ATM: variants seen among roughly 807,000 people sequenced by gnomAD.
ATM encodes the protein serine-protein kinase ATM.
Under a neutral mutation model 387.0 loss-of-function variants are expected in ATM, and 308 were observed. The observed-to-expected ratio is 0.80, with a 90% confidence interval of 0.73 to 0.87. The LOEUF is 0.87. Among genes scored for constraint, ATM ranks in the 40% least tolerant of loss-of-function variants. The pLI is 0.00. For synonymous variants in ATM, 1,156 were observed against 1,187.3 expected, an observed-to-expected ratio of 0.97 and a Z score of 0.54; for missense variants, 3,312 against 3,560.9, an observed-to-expected ratio of 0.93 and a Z score of 1.78.
intron 34 of ATM, 86 bp downstream of exon 34, chr11:108,299,971 C>G: frequency 7.6e-7 from 1 of 1,310,040 alleles, no homozygotes; most frequent in Non-Finnish European, 1.1e-6. Context: ...TTCTCAGTAA[C>G]TAAAGCTTTG....
At chr11:108,259,143 C>T in intron 16 of ATM, 68 bp downstream of exon 16, 1 of 1,294,674 alleles carries the variant, frequency 7.7e-7, no homozygotes, top group Admixed American at 1.8e-5. Context: ...GTTGAAATAT[C>T]TTTGTAAATA....
chr11:108,272,434 A>G, intron 20 of ATM, 98 bp from the exon 21 acceptor site: 1 of 1,007,724 alleles, frequency 9.9e-7, no homozygotes, highest in South Asian at 1.3e-5. Flanking sequence ...TAGCACAGAA[A>G]GACATATTGG....
intron 56 of ATM, among the ~76,000 whole-genome samples, chr11:108,338,714 A>C (rs1422834496): frequency 1.3e-5 from 2 of 152,164 alleles, no homozygotes; most frequent in African/African-American, 4.8e-5. Context: ...AATGTTATAC[A>C]TCTCAATATT....
At chr11:108,316,203 A>G in intron 42 of ATM, 90 bp downstream of exon 42, 1 of 1,181,526 alleles carries the variant, frequency 8.5e-7, no homozygotes, top group Admixed American at 1.9e-5. Flanking sequence ...CAGCCAGATA[A>G]ACTCTAGAGA....
intron 22 of ATM, among the ~76,000 whole-genome samples, chr11:108,278,316 A>C (rs2082053664): frequency 6.6e-6 from 1 of 152,192 alleles, no homozygotes; most frequent in Non-Finnish European, 1.5e-5. Context: ...GCCCTTATTA[A>C]ATTTCACAGA....
intron 37 of ATM, 107 bp downstream of exon 37, chr11:108,304,959 C>A: frequency 7.5e-7 from 1 of 1,333,156 alleles, no homozygotes; most frequent in Non-Finnish European, 1.0e-6. Context: ...AATCTATAAC[C>A]TCTAAATTTG....
At chr11:108,297,785 G>A (rs2083206186) in intron 33 of ATM, among the ~76,000 whole-genome samples, 1 of 152,076 alleles carries the variant, frequency 6.6e-6, no homozygotes, top group Non-Finnish European at 1.5e-5. Flanking sequence ...TAAGTTACAT[G>A]CCTATTTAAT....
In ATM at chr11:108,272,568, A is replaced by T. The variant is rs374451781; in HGVS notation, c.3114A>T (p.Val1038=). Residue 1038 remains valine, a synonymous_variant, in exon 21 of 63, where the codon GTA becomes GTT. Transcript: ENST00000675843. The part of the protein sequence containing the change: ...LTKERKYIFS[V]RMALVNCLKT... ...AGGAGAGGAAATATATATTCTCTGT[A>T]AGAATGGCCCTAGTAAATTGCCTTA... 8 of 1,613,612 alleles carry T rather than the reference A, an allele frequency of 5.0e-6. No individual in the cohort carries two copies. Among genetic ancestry groups the T allele is most frequent in the African/African-American group, 1.3e-5 (1 of 74,920 alleles).
chr11:108,333,216 C>T (rs1190164825), intron 53 of ATM, among the ~76,000 whole-genome samples: 1 of 152,064 alleles, frequency 6.6e-6, no homozygotes, highest in African/African-American at 2.4e-5. Context: ...ACATTTCTAG[C>T]CTCAAAAGTT....
At chr11:108,232,866 C>CTT (rs562676052) in intron 4 of ATM, among the ~76,000 whole-genome samples, 2 of 136,880 alleles carry the variant, frequency 1.5e-5, no homozygotes, top group Non-Finnish European at 3.2e-5. Flanking sequence ...CATTTCTTTT[C>CTT]TTTTTTTTTT....
intron 46 of ATM, 22 bp from the exon 47 acceptor site, chr11:108,326,036 C>T: frequency 6.2e-7 from 1 of 1,611,762 alleles, no homozygotes; most frequent in Non-Finnish European, 8.5e-7. Flanking sequence ...GTATTTATTC[C>T]CATATGTCAT....
chr11:108,308,683 G>A, intron 38 of ATM: 1 of 286,262 alleles, frequency 3.5e-6, no homozygotes, highest in Non-Finnish European at 6.8e-6. Flanking sequence ...TGGTAGGGGT[G>A]GTTGGTAAAG....
intron 52 of ATM, among the ~76,000 whole-genome samples, chr11:108,332,417 A>G (rs1427292599): frequency 6.6e-6 from 1 of 152,096 alleles, no homozygotes. Context: ...GGGCAACAAG[A>G]GCGAAACTCT....
At chr11:108,227,197 T>A (rs1390359754) in intron 1 of ATM, 2 of 162,572 alleles carry the variant, frequency 1.2e-5, no homozygotes, top group African/African-American at 2.4e-5. Context: ...GTATTTTTAG[T>A]AGAGACAGGG....
rs755860432 is a variant in ATM at position 108,245,001 on chromosome 11, G to T, written c.876G>T (p.Pro292=). ...AACTGCAAATTTATATCCATCATCCGAAAGGAGCCAAAACCCAAGAAAAAG... is the reference window on the plus strand; with the variant it reads ...AACTGCAAATTTATATCCATCATCCTAAAGGAGCCAAAACCCAAGAAAAAG... ...LFQLQIYIHH[P]KGAKTQEKGA... The change falls in exon 7 of 63, where the codon CCG becomes CCT. Residue 292 remains proline, a synonymous_variant. Coordinates refer to ENST00000675843, the MANE Select transcript of ATM (RefSeq NM_000051.4). 2 of 1,610,884 alleles carry T rather than the reference G, an allele frequency of 1.2e-6. No homozygotes were observed.
intron 15 of ATM, among the ~76,000 whole-genome samples, chr11:108,258,770 A>G (rs1332635151): frequency 6.6e-6 from 1 of 152,210 alleles, no homozygotes; most frequent in African/African-American, 2.4e-5. Context: ...CTTTAGGGTC[A>G]ATAGCTGTTA....
rs876658836 is a variant in ATM, at chr11:108,256,271, C to T, written c.2181C>T (p.Gly727=). The change falls in exon 14 of 63, where the codon GGC becomes GGT. Residue 727 remains glycine (G), a synonymous_variant. Coordinates refer to ENST00000675843, the MANE Select transcript of ATM (RefSeq NM_000051.4). ...RCSRLLVGVL[G]CYCYMGVIAE... ...CACGTCTTTTGGTGGGTGTCCTTGG[C>T]TGCTACTGTTACATGGGTGTAATAG... 1.9e-6 allele frequency: 3 copies of T among 1,610,718 alleles called. No homozygotes were observed. Among genetic ancestry groups the T allele is most frequent in the Non-Finnish European group, 1.7e-6 (2 of 1,177,898 alleles).
Position 108,303,033 on chromosome 11 carries a change from A to G in ATM, c.5496+4A>G, listed in dbSNP as rs1565479590. 6 of 1,608,868 alleles carry G rather than the reference A, an allele frequency of 3.7e-6. No individual in the cohort carries two copies. Among genetic ancestry groups the G allele is most frequent in the Non-Finnish European group, 5.1e-6 (6 of 1,175,496 alleles). ...ATTATTAAAGCCAATGTGTGAAGTA[A>G]GAAGATTAATTAGTCTGATATAATT... On this transcript the variant is annotated splice_donor_region_variant and intron_variant, in intron 36 of 62. Coordinates refer to ENST00000675843, the MANE Select transcript of ATM (RefSeq NM_000051.4).
intron 8 of ATM, among the ~76,000 whole-genome samples, chr11:108,247,543 G>A (rs543092985): frequency 6.6e-6 from 1 of 152,206 alleles, no homozygotes; most frequent in Non-Finnish European, 1.5e-5. Context: ...GTGGTTTTTA[G>A]TATTTTTACT....
Sources: gnomAD v4.1 joint callset for allele counts (sites outside exome capture counted in the v4.1 genomes callset) on GRCh38, gnomAD v4.1.1 for gene constraint, MANE v1.5 for transcripts, NCBI Gene and HGNC (gene_info 2026-07-23, HGNC 2026-07-21) for gene names.